BLTP3B: variants seen among roughly 807,000 people sequenced by gnomAD.
BLTP3B encodes bridge-like lipid transfer protein family member 3B, also known as UHRF1 (ICBP90) binding protein 1-like.
chr12:100,042,387 A>C, the BLTP3B span, among the ~76,000 whole-genome samples: 1 of 152,084 alleles, frequency 6.6e-6, no homozygotes, highest in Non-Finnish European at 1.5e-5. Context: ...AACTTACTCT[A>C]AAGGAAGTTG....
At chr12:100,103,998 A>G in the BLTP3B span, 2 of 1,461,784 alleles carry the variant, frequency 1.4e-6, no homozygotes, top group African/African-American at 2.8e-5. Flanking sequence ...TAAGAAGAAA[A>G]TAATGTAAAC....
chr12:100,058,037 T>C, the BLTP3B span: 1 of 1,564,000 alleles, frequency 6.4e-7, no homozygotes, highest in Middle Eastern at 1.7e-4. Flanking sequence ...ACCTTAAAGA[T>C]GACTGTGATT....
chr12:100,054,086 A>G, the BLTP3B span, among the ~76,000 whole-genome samples: 15 of 152,188 alleles, frequency 9.9e-5, no homozygotes, highest in African/African-American at 3.4e-4. Context: ...AAATGCAGAC[A>G]AAAATTTGTG....
At chr12:100,051,563 T>C in the BLTP3B span, 1 of 185,102 alleles carries the variant, frequency 5.4e-6, no homozygotes, top group African/African-American at 2.4e-5. Flanking sequence ...AATTTATTAT[T>C]GTATTTACTA....
the BLTP3B span, chr12:100,048,176 T>A: frequency 6.3e-7 from 1 of 1,594,932 alleles, no homozygotes; most frequent in South Asian, 1.2e-5. Flanking sequence ...TTGGAATGAA[T>A]TACAGCTTTC....
At chr12:100,142,763 A>C in the BLTP3B span, 7 of 1,394,072 alleles carry the variant, frequency 5.0e-6, no homozygotes, top group South Asian at 9.7e-5. Context: ...ACCGGGAGAG[A>C]CCCAAGGCCC....
At chr12:100,067,160 C>T in the BLTP3B span, among the ~76,000 whole-genome samples, 24 of 151,926 alleles carry the variant, frequency 1.6e-4, no homozygotes, top group African/African-American at 5.8e-4. Context: ...GTGACAAAAC[C>T]TATCAAAACC....
the BLTP3B span, among the ~76,000 whole-genome samples, chr12:100,123,987 G>A: frequency 7.9e-5 from 12 of 152,290 alleles, no homozygotes; most frequent in Middle Eastern, 3.4e-3. Flanking sequence ...AAATAGGATA[G>A]GCATTGTGGC....
chr12:100,097,452 G>T, the BLTP3B span: 23 of 1,613,160 alleles, frequency 1.4e-5, no homozygotes, highest in Non-Finnish European at 1.9e-5. Flanking sequence ...AACTTTGGGT[G>T]GCATCTGCCT....
chr12:100,097,230 C>T, the BLTP3B span: 2 of 800,642 alleles, frequency 2.5e-6, no homozygotes, highest in East Asian at 2.9e-5. Context: ...TTTAATATGC[C>T]ACTGGTAATA....
chr12:100,039,665 G>A, the BLTP3B span: 2 of 1,614,074 alleles, frequency 1.2e-6, no homozygotes, highest in South Asian at 2.2e-5. Context: ...GAACCCCTGG[G>A]CTTGTCTGAG....
At chr12:100,102,828 A>G in the BLTP3B span, 1 of 1,605,646 alleles carries the variant, frequency 6.2e-7, no homozygotes, top group Non-Finnish European at 8.5e-7. Context: ...CTTCACATGT[A>G]CTCATTTCCA....
At chr12:100,105,663 A>T in the BLTP3B span, among the ~76,000 whole-genome samples, 3 of 152,206 alleles carry the variant, frequency 2.0e-5, no homozygotes, top group Admixed American at 1.3e-4. Flanking sequence ...CCCAAAAGCA[A>T]ATGCAACAAA....
At chr12:100,071,763 C>CA in the BLTP3B span, among the ~76,000 whole-genome samples, 2 of 151,924 alleles carry the variant, frequency 1.3e-5, no homozygotes, top group African/African-American at 2.4e-5. Flanking sequence ...TTAAAACAGT[C>CA]AAAAAAATTC....
chr12:100,119,905 C>G, the BLTP3B span, among the ~76,000 whole-genome samples: 1 of 152,092 alleles, frequency 6.6e-6, no homozygotes, highest in South Asian at 2.1e-4. Flanking sequence ...ATGCACAAAT[C>G]ATAGGAGAAA....
the BLTP3B span, chr12:100,057,755 A>C: frequency 5.1e-6 from 8 of 1,584,078 alleles, no homozygotes; most frequent in Non-Finnish European, 6.8e-6. Context: ...CACTGTTAAC[A>C]AAATTATTAG....
At chr12:100,117,613 C>T in the BLTP3B span, among the ~76,000 whole-genome samples, 1 of 151,990 alleles carries the variant, frequency 6.6e-6, no homozygotes, top group South Asian at 2.1e-4. Context: ...GCCTCCACCT[C>T]CCCTGCCTCC....
At chr12:100,053,617 A>T in the BLTP3B span, among the ~76,000 whole-genome samples, 1 of 152,216 alleles carries the variant, frequency 6.6e-6, no homozygotes, top group Non-Finnish European at 1.5e-5. Context: ...CTTTGTATGT[A>T]TCTGACACAC....
At chr12:100,113,475 C>T in the BLTP3B span, among the ~76,000 whole-genome samples, 2 of 152,192 alleles carry the variant, frequency 1.3e-5, no homozygotes, top group African/African-American at 4.8e-5. Context: ...AAAAAAATCT[C>T]ATCTCAACAA....
Sources: allele counts gnomAD v4.1 joint callset (sites outside exome capture counted in the v4.1 genomes callset), GRCh38; gene constraint gnomAD v4.1.1; transcripts MANE v1.5; gene names NCBI Gene and HGNC (gene_info 2026-07-23, HGNC 2026-07-21).